The following SORCS3 variants were observed in gnomAD, a reference collection of about 807,000 sequenced individuals.
SORCS3 encodes VPS10 domain-containing receptor SorCS3.
Under a neutral mutation model 146.3 loss-of-function variants are expected in SORCS3, and 57 were observed. That is an observed-to-expected ratio of 0.39 (90% CI 0.31 to 0.49). SORCS3 has a LOEUF of 0.49. Among genes scored for constraint, SORCS3 ranks in the 20% least tolerant of loss-of-function variants. The probability of loss-of-function intolerance (pLI) is 0.92; values close to 1 mark genes in which losing one functional copy is unlikely to be tolerated. For missense variants in SORCS3, 1,341 were observed against 1,575.5 expected (o/e 0.85, Z 2.52); for synonymous variants, 653 against 618.5 (o/e 1.06, Z -0.83).
intron 3 of SORCS3, among the ~76,000 whole-genome samples, chr10:104,940,706 G>A (rs61867165): frequency 0.031 from 4,652 of 152,066 alleles, 106 homozygotes; most frequent in Middle Eastern, 0.1. Flanking sequence ...GTAAACATAC[G>A]TGTGCATGTG....
At chr10:104,945,651 A>G (rs1365972015) in intron 3 of SORCS3, among the ~76,000 whole-genome samples, 1 of 149,420 alleles carries the variant, frequency 6.7e-6, no homozygotes, top group Admixed American at 6.7e-5. Flanking sequence ...TACCATTATG[A>G]TTTTTGAACC....
chr10:104,945,277 A>G (rs1448281626), intron 3 of SORCS3, among the ~76,000 whole-genome samples: 2 of 138,000 alleles, frequency 1.4e-5, no homozygotes, highest in African/African-American at 6.3e-5. Context: ...TTGTTTTGAG[A>G]TGGAGTCTCG....
chr10:104,850,508 T>C (rs1028757045), intron 2 of SORCS3, among the ~76,000 whole-genome samples: 1 of 152,140 alleles, frequency 6.6e-6, no homozygotes, highest in African/African-American at 2.4e-5. Flanking sequence ...CTCTTGAACC[T>C]CAGGAGGTCG....
chr10:104,889,478 C>T (rs2018726984), intron 2 of SORCS3, among the ~76,000 whole-genome samples: 1 of 144,236 alleles, frequency 6.9e-6, no homozygotes. Flanking sequence ...TTTGCTATCC[C>T]ATTTTATCTT....
intron 13 of SORCS3, among the ~76,000 whole-genome samples, chr10:105,175,484 C>G (rs2056394336): frequency 6.6e-6 from 1 of 152,176 alleles, no homozygotes; most frequent in Non-Finnish European, 1.5e-5. Flanking sequence ...AAACAAAAAA[C>G]CCAACTAATA....
intron 2 of SORCS3, among the ~76,000 whole-genome samples, chr10:104,913,939 T>A (rs535391089): frequency 6.6e-6 from 1 of 152,010 alleles, no homozygotes; most frequent in East Asian, 1.9e-4. Context: ...CAGCTAATTT[T>A]TATATTTTTA....
At chr10:104,979,404 G>A (rs183218207) in intron 4 of SORCS3, among the ~76,000 whole-genome samples, 208 of 152,250 alleles carry the variant, frequency 1.4e-3, no homozygotes, top group Non-Finnish European at 2.3e-3. Flanking sequence ...ATAATGTTGT[G>A]GAATCAATCA....
At chr10:105,116,263 C>T (rs1015110913) in intron 7 of SORCS3, among the ~76,000 whole-genome samples, 82 of 152,320 alleles carry the variant, frequency 5.4e-4, no homozygotes, top group African/African-American at 1.9e-3. Context: ...GACCTGCTAT[C>T]ACCTTGCCTC....
At chr10:105,110,688 A>G (rs1165548677) in intron 7 of SORCS3, among the ~76,000 whole-genome samples, 1 of 152,066 alleles carries the variant, frequency 6.6e-6, no homozygotes, top group Non-Finnish European at 1.5e-5. Context: ...TTTCCCACGT[A>G]TATTGTGTTT....
intron 2 of SORCS3, among the ~76,000 whole-genome samples, chr10:104,869,296 G>A (rs567076133): frequency 6.6e-6 from 1 of 152,274 alleles, no homozygotes; most frequent in Middle Eastern, 3.4e-3. Context: ...CAAACCAAGA[G>A]TGTCGGTGGT....
intron 4 of SORCS3, among the ~76,000 whole-genome samples, chr10:105,042,685 G>A (rs148300562): frequency 3.7e-4 from 56 of 152,202 alleles, no homozygotes; most frequent in African/African-American, 1.3e-3. Context: ...GAAAGTAAAA[G>A]CATGATATTT....
At chr10:105,221,490 T>C (rs1453929418) in intron 19 of SORCS3, among the ~76,000 whole-genome samples, 1 of 152,182 alleles carries the variant, frequency 6.6e-6, no homozygotes, top group Non-Finnish European at 1.5e-5. Flanking sequence ...CTTATTAATA[T>C]AAGGAAGGCA....
chr10:104,757,795 G>T (rs1462466799), intron 1 of SORCS3, among the ~76,000 whole-genome samples: 1 of 151,778 alleles, frequency 6.6e-6, no homozygotes, highest in Non-Finnish European at 1.5e-5. Flanking sequence ...CATTTTCTCT[G>T]GGAGAAGTTT....
intron 1 of SORCS3, among the ~76,000 whole-genome samples, chr10:104,696,692 ATATAT>A (rs2016217187): frequency 4.1e-5 from 3 of 73,202 alleles, no homozygotes; most frequent in African/African-American, 5.4e-5. Flanking sequence ...AATATATAAT[ATATAT>A]TATATACGTA....
At chr10:104,880,915 T>C (rs762558292) in intron 2 of SORCS3, among the ~76,000 whole-genome samples, 1 of 152,190 alleles carries the variant, frequency 6.6e-6, no homozygotes, top group Non-Finnish European at 1.5e-5. Context: ...TCACTCTGTA[T>C]CCAGGGGAGA....
intron 5 of SORCS3, among the ~76,000 whole-genome samples, chr10:105,070,104 C>G (rs1481819785): frequency 6.6e-6 from 1 of 152,234 alleles, no homozygotes; most frequent in Non-Finnish European, 1.5e-5. Context: ...GACATAGGAA[C>G]TGGGCTTCTC....
At position 104,696,305 on chromosome 10, in the gene SORCS3, T is replaced by TAA. The variant is rs1564661102; in HGVS notation, c.627+54351_627+54352insAA. ...ATATGATATATATCATATACACATATGATATATGATATATATCATATACAC... is the reference window on the plus strand; with the variant it reads ...ATATGATATATATCATATACACATATAAGATATATGATATATATCATATACAC... On this transcript the variant is annotated intron_variant, in intron 1 of 26. Coordinates refer to ENST00000369701, the MANE Select transcript of SORCS3 (RefSeq NM_014978.3). 2.5e-4 allele frequency among the ~76,000 whole-genome samples: 28 copies of TAA among 113,188 alleles called. 11 individuals are homozygous for TAA. Among genetic ancestry groups the TAA allele is most frequent in the African/African-American group, 3.0e-4 (8 of 26,992 alleles). 74.3% of individuals were successfully genotyped at this position (113,188 alleles called of 152,430 possible).
chr10:104,815,068 C>T (rs1181186509), intron 1 of SORCS3, among the ~76,000 whole-genome samples: 1 of 152,134 alleles, frequency 6.6e-6, no homozygotes. Flanking sequence ...AAAAGACAAA[C>T]AGCACTGATG....
chr10:105,067,699 TG>T (rs1360815669), intron 5 of SORCS3, among the ~76,000 whole-genome samples: 2 of 152,206 alleles, frequency 1.3e-5, no homozygotes, highest in Non-Finnish European at 2.9e-5. Context: ...CTTCCTTTAC[TG>T]CAACCATCAG....
Sources: allele counts gnomAD v4.1 joint callset (sites outside exome capture counted in the v4.1 genomes callset), GRCh38; gene constraint gnomAD v4.1.1; transcripts MANE v1.5; gene names NCBI Gene and HGNC (gene_info 2026-07-23, HGNC 2026-07-21).